Variants in UBOX5 observed in about 807,000 individuals in gnomAD.
The protein encoded by UBOX5 is U-box domain containing 5.
In UBOX5, 28 loss-of-function variants were observed where a neutral mutation model predicts 39.0. That is an observed-to-expected ratio of 0.72 (90% CI 0.53 to 0.98). The LOEUF (loss-of-function observed/expected upper bound fraction) is 0.98. UBOX5 is among the 50% of genes least tolerant of loss of function. The pLI, the probability that UBOX5 is intolerant of heterozygous loss-of-function variation, is 0.00. For missense variants in UBOX5, 585 were observed against 674.4 expected (o/e 0.87, Z 1.47); for synonymous variants, 283 against 275.5 (o/e 1.03, Z -0.27).
In UBOX5 at chr20:3,109,834, G is replaced by C. The variant is rs890122361; in HGVS notation, c.*272C>G. On this transcript the variant is annotated 3_prime_UTR_variant, in exon 5 of 5. Coordinates refer to ENST00000217173, the MANE Select transcript of UBOX5 (RefSeq NM_014948.4). ...CTCAGCAGGGGTCTTCCTGCCTAGGGTGGGGCTGGCTCCAGTGGGTCCTGG... is the reference window on the plus strand; with the variant it reads ...CTCAGCAGGGGTCTTCCTGCCTAGGCTGGGGCTGGCTCCAGTGGGTCCTGG... 9 of 523,992 alleles carry C rather than the reference G, an allele frequency of 1.7e-5. No homozygotes were observed. Among genetic ancestry groups the C allele is most frequent in the African/African-American group, 1.5e-4 (8 of 52,178 alleles). 32.5% of individuals were successfully genotyped at this position (523,992 alleles called of 1,614,324 possible).
chr20:3,125,632 G>A (rs146124282), intron 1 of UBOX5, among the ~76,000 whole-genome samples: 9,460 of 126,676 alleles, frequency 0.075, 448 homozygotes, highest in Middle Eastern at 0.12. Flanking sequence ...GGTGAGGAGT[G>A]CCTCTGCCCG....
At chr20:3,110,383 G>GCA in intron 4 of UBOX5, 69 bp from the exon 5 acceptor site, 1 of 1,542,518 alleles carries the variant, frequency 6.5e-7, no homozygotes, top group Non-Finnish European at 9.0e-7. Flanking sequence ...TGCTCTGAGG[G>GCA]GCAGAGCCTT....
chr20:3,147,218 A>C, intron 1 of UBOX5: 3 of 1,614,216 alleles, frequency 1.9e-6, no homozygotes, highest in Non-Finnish European at 2.5e-6. Context: ...CACATGCTCA[A>C]GCCTTAATTT....
chr20:3,132,499 G>A (rs2066437279), intron 1 of UBOX5, among the ~76,000 whole-genome samples: 2 of 151,948 alleles, frequency 1.3e-5, no homozygotes, highest in Non-Finnish European at 2.9e-5. Context: ...ATTATAAGGT[G>A]TATTAATAAT....
intron 4 of UBOX5, 25 bp from the exon 5 acceptor site, chr20:3,110,339 G>A (rs758471975): frequency 1.9e-6 from 3 of 1,613,272 alleles, no homozygotes; most frequent in South Asian, 1.1e-5. Context: ...AGGAAAACAG[G>A]CCAGGGTTAG....
At chr20:3,123,591 TTA>T (rs1243259781) in intron 1 of UBOX5, among the ~76,000 whole-genome samples, 185 bp from the exon 2 acceptor site, 1 of 152,084 alleles carries the variant, frequency 6.6e-6, no homozygotes, top group African/African-American at 2.4e-5. Context: ...CACTGAAAAA[TTA>T]TAGAGAAGAC....
At position 3,139,492 on chromosome 20, in the gene UBOX5, C is replaced by T. The variant is rs184018840; in HGVS notation, c.-41-16086G>A. On this transcript the variant is annotated intron_variant, in intron 1 of 4. Transcript: ENST00000217173. Reference sequence around the variant, plus strand: ...GCAACCTCCCCGTCGTGGGTTCAAGCGATTCTCCTGCCTCAGCCTCCTGAG... The same window carrying T: ...GCAACCTCCCCGTCGTGGGTTCAAGTGATTCTCCTGCCTCAGCCTCCTGAG... 1.4e-3 allele frequency among the ~76,000 whole-genome samples: 218 copies of T among 152,178 alleles called. 1 individual carries two copies. Among genetic ancestry groups the T allele is most frequent in the African/African-American group, 4.9e-3 (203 of 41,530 alleles).
chr20:3,148,602 T>A, intron 1 of UBOX5: 1 of 1,614,196 alleles, frequency 6.2e-7, no homozygotes, highest in Non-Finnish European at 8.5e-7. Context: ...GCCTGGAGAT[T>A]ATTTTGATTA....
intron 1 of UBOX5, among the ~76,000 whole-genome samples, chr20:3,154,555 C>T (rs1345988449): frequency 6.6e-6 from 1 of 152,088 alleles, no homozygotes; most frequent in Non-Finnish European, 1.5e-5. Flanking sequence ...TGGTGGCACA[C>T]ACCTGTGGTC....
intron 3 of UBOX5, among the ~76,000 whole-genome samples, chr20:3,116,153 G>A (rs1049269625): frequency 4.6e-5 from 7 of 152,112 alleles, no homozygotes; most frequent in Admixed American, 3.9e-4. Flanking sequence ...CTCCCCAGCG[G>A]CCTTAGTCTT....
chr20:3,118,647 C>A (rs1259337074), intron 3 of UBOX5, among the ~76,000 whole-genome samples: 2 of 152,094 alleles, frequency 1.3e-5, no homozygotes, highest in Non-Finnish European at 2.9e-5. Flanking sequence ...TGGCGGGCGC[C>A]TGTAGTCCCA....
rs933496606 is a variant in UBOX5, at chr20:3,109,124, G to A, written c.*982C>T. ...GTTCCTTCCCAAACGTGCTTAGAAG[G>A]GAACAGGGAAAGGCGGGTGTGTTTT... On this transcript the variant is annotated 3_prime_UTR_variant, in exon 5 of 5. Transcript: ENST00000217173. 1 of 152,108 alleles carries A rather than the reference G, an allele frequency of 6.6e-6. No homozygotes were observed. The highest frequency in any genetic ancestry group is 2.4e-5 in the African/African-American group (1 of 41,392). The allele number at this position is 152,108 out of a possible 1,614,324, so 9.4% of individuals were successfully genotyped here.
intron 3 of UBOX5, among the ~76,000 whole-genome samples, chr20:3,120,389 C>G (rs936654612): frequency 8.7e-5 from 13 of 148,840 alleles, no homozygotes; most frequent in African/African-American, 3.3e-4. Context: ...TGGCTTACAT[C>G]TGTAATCCCG....
chr20:3,122,736 G>T, intron 2 of UBOX5, 152 bp from the exon 3 acceptor site: 2 of 1,159,510 alleles, frequency 1.7e-6, no homozygotes, highest in Non-Finnish European at 2.3e-6. Context: ...CAGATCAAAG[G>T]CCAAGGGCAA....
intron 3 of UBOX5, among the ~76,000 whole-genome samples, chr20:3,117,183 T>G (rs1038870262): frequency 6.6e-6 from 1 of 150,890 alleles, no homozygotes. Context: ...ACAGGCAGAG[T>G]GGGTATTCCA....
intron 1 of UBOX5, among the ~76,000 whole-genome samples, chr20:3,143,284 G>T (rs1362075865): frequency 4.6e-5 from 7 of 151,484 alleles, no homozygotes. Context: ...TGCATTTTTA[G>T]TAGAGACAGG....
At chr20:3,123,472 AT>A (rs1479966126) in intron 1 of UBOX5, 66 bp from the exon 2 acceptor site, 9 of 1,206,798 alleles carry the variant, frequency 7.5e-6, no homozygotes, top group Non-Finnish European at 1.1e-5. Context: ...TCAGAAGTTG[AT>A]TCTTAAGAGA....
At chr20:3,129,321 T>C (rs911955883) in intron 1 of UBOX5, among the ~76,000 whole-genome samples, 1 of 152,196 alleles carries the variant, frequency 6.6e-6, no homozygotes, top group Non-Finnish European at 1.5e-5. Flanking sequence ...CACACCACTA[T>C]CTGACAGATT....
At chr20:3,112,648 A>G (rs2066262219) in intron 4 of UBOX5, among the ~76,000 whole-genome samples, 1 of 152,132 alleles carries the variant, frequency 6.6e-6, no homozygotes, top group African/African-American at 2.4e-5. Flanking sequence ...AGAACAGCCT[A>G]TCCGTTAAAG....
Sources: allele counts gnomAD v4.1 joint callset (sites outside exome capture counted in the v4.1 genomes callset), GRCh38; gene constraint gnomAD v4.1.1; transcripts MANE v1.5; gene names NCBI Gene and HGNC (gene_info 2026-07-23, HGNC 2026-07-21).